Variants in NCEH1 observed in about 807,000 individuals in gnomAD.
NCEH1 encodes the protein 2-acetyl MAGE hydrolase.
NCEH1 carries 9 observed loss-of-function variants against 25.4 expected under a neutral mutation model. The observed-to-expected ratio is 0.35, with a 90% CI of 0.21 to 0.62. The LOEUF is 0.62. NCEH1 is among the 20% of genes least tolerant of loss of function. The probability of loss-of-function intolerance (pLI) is 0.72; values close to 1 mark genes in which losing one functional copy is unlikely to be tolerated. For synonymous variants in NCEH1, 200 were observed against 199.8 expected, an observed-to-expected ratio of 1.00 and a Z score of -0.01; for missense variants, 412 against 501.1, an observed-to-expected ratio of 0.82 and a Z score of 1.70.
At chr3:172,649,476 C>T (rs928724261) in intron 1 of NCEH1, among the ~76,000 whole-genome samples, 2 of 152,204 alleles carry the variant, frequency 1.3e-5, no homozygotes, top group Non-Finnish European at 2.9e-5. Context: ...CTGACATCAA[C>T]TGCCCAATTT....
intron 1 of NCEH1, among the ~76,000 whole-genome samples, chr3:172,693,763 A>C (rs189799971): frequency 7.0e-4 from 107 of 152,372 alleles, no homozygotes; most frequent in African/African-American, 2.5e-3. Flanking sequence ...ATGTGAGGAA[A>C]TATGACTGAC....
chr3:172,673,418 G>A (rs139500632), intron 1 of NCEH1, among the ~76,000 whole-genome samples: 751 of 152,262 alleles, frequency 4.9e-3, no homozygotes, highest in Middle Eastern at 0.024. Flanking sequence ...AAACACAAGC[G>A]CTCAATTGGC....
intron 1 of NCEH1, among the ~76,000 whole-genome samples, chr3:172,699,327 G>T (rs1713558416): frequency 6.6e-6 from 1 of 152,208 alleles, no homozygotes; most frequent in Non-Finnish European, 1.5e-5. Flanking sequence ...GCAAAATGGT[G>T]CCAGGTTGTA....
In NCEH1 at chr3:172,692,121, T is replaced by C. The variant is rs1400471839; in HGVS notation, c.138+18726A>G. On this transcript the variant is annotated intron_variant, in intron 1 of 4. Coordinates refer to ENST00000475381, the MANE Select transcript of NCEH1 (RefSeq NM_020792.6). The stretch of plus-strand genomic sequence containing the variant: ...AGCCTTTGTCTCCAATAAGGCATCA[T>C]AGCTGCCAACAACTGCAGTGTTTGT... Among the ~76,000 whole-genome samples the C allele has an allele frequency of 2.0e-5, 3 of 152,134 alleles. No individual in the cohort carries two copies. The East Asian group carries it at 5.8e-4, about 29-fold the overall frequency.
intron 1 of NCEH1, among the ~76,000 whole-genome samples, chr3:172,691,365 T>G (rs1025071499): frequency 6.5e-5 from 2 of 30,736 alleles, no homozygotes; most frequent in South Asian, 1.7e-3. Context: ...TCTAGATCTC[T>G]CCTTCATTTT....
intron 1 of NCEH1, among the ~76,000 whole-genome samples, chr3:172,679,572 C>T (rs185866027): frequency 1.5e-3 from 228 of 151,592 alleles, no homozygotes; most frequent in Non-Finnish European, 2.5e-3. Context: ...CACCTAAACA[C>T]GTACAGATAA....
At chr3:172,638,253 G>A (rs1203449442) in intron 3 of NCEH1, among the ~76,000 whole-genome samples, 2 of 113,620 alleles carry the variant, frequency 1.8e-5, no homozygotes, top group African/African-American at 3.3e-5. Flanking sequence ...ACTCCAGCCT[G>A]GGCGACAGAA....
At chr3:172,685,063 G>A (rs1712622830) in intron 1 of NCEH1, among the ~76,000 whole-genome samples, 3 of 151,372 alleles carry the variant, frequency 2.0e-5, no homozygotes, top group Non-Finnish European at 2.9e-5. Context: ...GGGAGGCCAA[G>A]GCGGGTGGAC....
At chr3:172,645,351 T>C (rs1466502400) in intron 3 of NCEH1, among the ~76,000 whole-genome samples, 1 of 152,230 alleles carries the variant, frequency 6.6e-6, no homozygotes, top group African/African-American at 2.4e-5. Flanking sequence ...AGGTAACTGA[T>C]TGCATACTTC....
At chr3:172,634,678 G>GA (rs1448831395) in intron 4 of NCEH1, among the ~76,000 whole-genome samples, 1 of 152,130 alleles carries the variant, frequency 6.6e-6, no homozygotes, top group African/African-American at 2.4e-5. Flanking sequence ...GAATGTGAAT[G>GA]AATCCCCTAC....
intron 1 of NCEH1, among the ~76,000 whole-genome samples, chr3:172,704,890 C>T (rs984507878): frequency 6.6e-5 from 10 of 152,230 alleles, no homozygotes; most frequent in Non-Finnish European, 1.5e-4. Context: ...ATTAACATGA[C>T]TTCTCCATCC....
chr3:172,697,352 C>T (rs1171430655), intron 1 of NCEH1, among the ~76,000 whole-genome samples: 2 of 152,100 alleles, frequency 1.3e-5, no homozygotes, highest in Admixed American at 6.6e-5. Flanking sequence ...TTAAGCTTAA[C>T]CTATCAGAAA....
intron 1 of NCEH1, among the ~76,000 whole-genome samples, chr3:172,692,192 G>A (rs1353821344): frequency 1.3e-5 from 2 of 152,044 alleles, no homozygotes; most frequent in Non-Finnish European, 2.9e-5. Context: ...ATACATTAGG[G>A]ATACAGCAAG....
rs565370200 is a variant in NCEH1 at position 172,696,936 on chromosome 3, C to CT, written c.138+13910dup. On this transcript the variant is annotated intron_variant, in intron 1 of 4. Coordinates refer to ENST00000475381, the MANE Select transcript of NCEH1 (RefSeq NM_020792.6). Reference sequence around the variant, plus strand: ...TCAATGGGTAATATATATCTTTTTTCTTTTTTTGACAGAGAGTCTCACTCT... The same window carrying CT: ...TCAATGGGTAATATATATCTTTTTTCTTTTTTTTGACAGAGAGTCTCACTCT... Among the ~76,000 whole-genome samples the CT allele has an allele frequency of 2.4e-4, 37 of 151,856 alleles. No homozygotes were observed. The East Asian group carries it at 6.2e-3, about 25-fold the overall frequency.
intron 1 of NCEH1, among the ~76,000 whole-genome samples, chr3:172,688,348 A>T (rs180914256): frequency 6.6e-6 from 1 of 151,462 alleles, no homozygotes; most frequent in East Asian, 2.0e-4. Flanking sequence ...AAAAAAAAAA[A>T]AAAAGAAAAT....
chr3:172,702,191 G>A (rs1354234512), intron 1 of NCEH1, among the ~76,000 whole-genome samples: 1 of 151,378 alleles, frequency 6.6e-6, no homozygotes, highest in Non-Finnish European at 1.5e-5. Context: ...TTTGCATTTC[G>A]GTCTCCTCCT....
At chr3:172,641,704 T>C (rs934530014) in intron 3 of NCEH1, among the ~76,000 whole-genome samples, 2 of 152,176 alleles carry the variant, frequency 1.3e-5, no homozygotes, top group Non-Finnish European at 2.9e-5. Flanking sequence ...TCCTCAGTCG[T>C]CCCTCCGTCT....
At chr3:172,661,460 C>G (rs780993544) in intron 1 of NCEH1, among the ~76,000 whole-genome samples, 1 of 152,138 alleles carries the variant, frequency 6.6e-6, no homozygotes, top group Non-Finnish European at 1.5e-5. Context: ...AATGCAGGCT[C>G]TTTTTTGGCT....
intron 1 of NCEH1, among the ~76,000 whole-genome samples, chr3:172,666,220 C>A (rs910008573): frequency 6.6e-6 from 1 of 152,160 alleles, no homozygotes; most frequent in South Asian, 2.1e-4. Context: ...GCAACTCCTG[C>A]CTTCTTCTTC....
Sources: allele counts gnomAD v4.1 joint callset (sites outside exome capture counted in the v4.1 genomes callset), GRCh38; gene constraint gnomAD v4.1.1; transcripts MANE v1.5; gene names NCBI Gene and HGNC (gene_info 2026-07-23, HGNC 2026-07-21).